The following SH3GL2 variants were observed in gnomAD, a reference collection of about 807,000 sequenced individuals.
SH3GL2 encodes the protein SH3 domain containing GRB2 like 2, endophilin A1.
Under a neutral mutation model 46.0 loss-of-function variants are expected in SH3GL2, and 24 were observed. The observed-to-expected ratio is 0.52, with a 90% CI of 0.38 to 0.73. The LOEUF is 0.73. Among genes scored for constraint, SH3GL2 ranks in the 30% least tolerant of loss-of-function variants. The probability of loss-of-function intolerance (pLI) is 0.00; values close to 1 mark genes in which losing one functional copy is unlikely to be tolerated. For missense variants in SH3GL2, 413 were observed against 424.2 expected (o/e 0.97, Z 0.23); for synonymous variants, 196 against 147.1 (o/e 1.33, Z -2.40).
chr9:17,650,730 C>A (rs541451593), intron 1 of SH3GL2, among the ~76,000 whole-genome samples: 18 of 152,302 alleles, frequency 1.2e-4, no homozygotes, highest in African/African-American at 4.1e-4. Flanking sequence ...CTAAAGCCGA[C>A]CTGAATACAT....
intron 1 of SH3GL2, among the ~76,000 whole-genome samples, chr9:17,641,185 T>C (rs565497081): frequency 2.0e-5 from 3 of 152,290 alleles, no homozygotes; most frequent in Non-Finnish European, 4.4e-5. Flanking sequence ...AATATTATAG[T>C]TTAGGCTTCT....
intron 1 of SH3GL2, among the ~76,000 whole-genome samples, chr9:17,737,598 C>T (rs1055113795): frequency 1.3e-5 from 2 of 152,106 alleles, no homozygotes; most frequent in African/African-American, 4.8e-5. Context: ...CCTTGCCCGT[C>T]CTCTGAGCTT....
intron 1 of SH3GL2, among the ~76,000 whole-genome samples, chr9:17,583,090 G>C (rs1818307106): frequency 2.6e-5 from 4 of 152,072 alleles, no homozygotes; most frequent in Admixed American, 2.6e-4. Context: ...ATTTTGGGAG[G>C]GGCACAGTTC....
intron 1 of SH3GL2, among the ~76,000 whole-genome samples, chr9:17,683,029 C>T (rs1284400941): frequency 6.6e-6 from 1 of 152,018 alleles, no homozygotes; most frequent in Non-Finnish European, 1.5e-5. Context: ...CAGAGAATTT[C>T]GGTCATAGAG....
chr9:17,783,629 A>G (rs1376012404), intron 3 of SH3GL2, among the ~76,000 whole-genome samples: 1 of 152,120 alleles, frequency 6.6e-6, no homozygotes, highest in Non-Finnish European at 1.5e-5. Context: ...AAGACAGCAT[A>G]AATTTTAAGG....
rs950798342 is a variant in SH3GL2 at position 17,598,227 on chromosome 9, A to G, written c.45+18940A>G. 4.6e-5 allele frequency among the ~76,000 whole-genome samples: 7 copies of G among 152,190 alleles called. No individual in the cohort carries two copies. In the East Asian group the frequency reaches 9.6e-4, roughly 21 times the overall value. On this transcript the variant is annotated intron_variant, in intron 1 of 8. Coordinates refer to ENST00000380607, the MANE Select transcript of SH3GL2 (RefSeq NM_003026.5). ...AAGTGAACAGGGTACTACTATTTGCACATAAAAAAGAGCAGGTTATGGTTT... is the reference window on the plus strand; with the variant it reads ...AAGTGAACAGGGTACTACTATTTGCGCATAAAAAAGAGCAGGTTATGGTTT...
At chr9:17,623,371 G>A (rs137973874) in intron 1 of SH3GL2, among the ~76,000 whole-genome samples, 19 of 152,208 alleles carry the variant, frequency 1.2e-4, no homozygotes, top group East Asian at 5.8e-4. Context: ...TGTTGTATAC[G>A]TATGTAGTTC....
chr9:17,716,218 A>C (rs570841777), intron 1 of SH3GL2, among the ~76,000 whole-genome samples: 4 of 151,774 alleles, frequency 2.6e-5, no homozygotes, highest in Admixed American at 6.6e-5. Flanking sequence ...TGGATCTTTT[A>C]TTTTTTGCTT....
At chr9:17,765,736 C>A (rs577562033) in intron 3 of SH3GL2, among the ~76,000 whole-genome samples, 3 of 152,240 alleles carry the variant, frequency 2.0e-5, no homozygotes, top group Admixed American at 1.3e-4. Flanking sequence ...GTCACTGTCC[C>A]TCTTGTAATC....
chr9:17,747,436 A>G (rs987610475), intron 2 of SH3GL2, among the ~76,000 whole-genome samples: 1 of 152,194 alleles, frequency 6.6e-6, no homozygotes, highest in Admixed American at 6.5e-5. Flanking sequence ...TGTTTGAATT[A>G]GGGTGAGATG....
intron 1 of SH3GL2, among the ~76,000 whole-genome samples, chr9:17,703,377 G>A (rs1012473168): frequency 6.6e-6 from 1 of 151,978 alleles, no homozygotes; most frequent in Non-Finnish European, 1.5e-5. Context: ...ATTAAAATTA[G>A]TGTGTTTAGA....
chr9:17,625,191 T>C (rs919005268), intron 1 of SH3GL2, among the ~76,000 whole-genome samples: 2 of 152,148 alleles, frequency 1.3e-5, no homozygotes, highest in African/African-American at 4.8e-5. Context: ...CCCTTTAACA[T>C]TGGTTCATCC....
chr9:17,687,839 A>C (rs1412456102), intron 1 of SH3GL2, among the ~76,000 whole-genome samples: 1 of 152,098 alleles, frequency 6.6e-6, no homozygotes, highest in Non-Finnish European at 1.5e-5. Context: ...ACCACTTATT[A>C]TCTGAGGCAT....
At chr9:17,669,017 A>G (rs1820408218) in intron 1 of SH3GL2, among the ~76,000 whole-genome samples, 1 of 152,214 alleles carries the variant, frequency 6.6e-6, no homozygotes, top group Non-Finnish European at 1.5e-5. Context: ...TGTAGCATAT[A>G]CTAAATTTGC....
intron 3 of SH3GL2, among the ~76,000 whole-genome samples, chr9:17,763,243 G>C (rs961130074): frequency 1.3e-5 from 2 of 152,208 alleles, no homozygotes; most frequent in African/African-American, 4.8e-5. Flanking sequence ...TAATGGAACT[G>C]TGCTCTGTTG....
chr9:17,609,575 A>G (rs912304195), intron 1 of SH3GL2, among the ~76,000 whole-genome samples: 3 of 152,190 alleles, frequency 2.0e-5, no homozygotes, highest in African/African-American at 4.8e-5. Flanking sequence ...CTAGAAGGGA[A>G]GCTAATGAAA....
intron 1 of SH3GL2, among the ~76,000 whole-genome samples, chr9:17,669,369 G>C (rs1202326574): frequency 1.3e-5 from 2 of 152,104 alleles, no homozygotes; most frequent in Non-Finnish European, 2.9e-5. Context: ...TCAAAACATA[G>C]AGCAGTTTCA....
chr9:17,756,869 T>A (rs1289410618), intron 2 of SH3GL2, among the ~76,000 whole-genome samples: 1 of 152,148 alleles, frequency 6.6e-6, no homozygotes, highest in Non-Finnish European at 1.5e-5. Flanking sequence ...TCAAATGGTA[T>A]TTCTAGTTCT....
intron 1 of SH3GL2, among the ~76,000 whole-genome samples, chr9:17,593,925 C>A (rs1818527308): frequency 6.6e-6 from 1 of 152,162 alleles, no homozygotes; most frequent in African/African-American, 2.4e-5. Flanking sequence ...GTCACTTGAT[C>A]TCAACTTCTT....
Sources: allele counts gnomAD v4.1 joint callset (sites outside exome capture counted in the v4.1 genomes callset), GRCh38; gene constraint gnomAD v4.1.1; transcripts MANE v1.5; gene names NCBI Gene and HGNC (gene_info 2026-07-23, HGNC 2026-07-21).